MANBA: variants seen among roughly 807,000 people sequenced by gnomAD.
MANBA encodes the protein mannosidase beta.
Under a neutral mutation model 111.1 loss-of-function variants are expected in MANBA, and 83 were observed. The ratio of observed to expected loss-of-function variants is 0.75; its 90% CI spans 0.63 to 0.90. The LOEUF (loss-of-function observed/expected upper bound fraction) is 0.90, where lower values mean the gene tolerates loss of function less well. Among genes scored for constraint, MANBA ranks in the 40% least tolerant of loss-of-function variants. The pLI is 0.00. For missense variants in MANBA, 1,036 were observed against 1,069.0 expected (o/e 0.97, Z 0.43); for synonymous variants, 370 against 378.7 (o/e 0.98, Z 0.27).
At chr4:102,691,021 G>T (rs761966512) in intron 5 of MANBA, 1 of 157,012 alleles carries the variant, frequency 6.4e-6, no homozygotes, top group African/African-American at 2.4e-5. Context: ...TGTTATGATT[G>T]TAAGTCATAA....
intron 1 of MANBA, among the ~76,000 whole-genome samples, chr4:102,749,938 C>T (rs192926210): frequency 6.6e-6 from 1 of 152,276 alleles, no homozygotes; most frequent in African/African-American, 2.4e-5. Context: ...CCTCCCATAC[C>T]CTAAATACAC....
At chr4:102,729,146 C>G in intron 1 of MANBA, 1 of 727,354 alleles carries the variant, frequency 1.4e-6, no homozygotes, top group South Asian at 1.4e-5. Context: ...AACAGCCAGC[C>G]CCCTGTGCTG....
At chr4:102,647,869 A>G (rs780866264) in intron 13 of MANBA, among the ~76,000 whole-genome samples, 2 of 152,146 alleles carry the variant, frequency 1.3e-5, no homozygotes, top group Non-Finnish European at 2.9e-5. Flanking sequence ...GTGTTTTCAT[A>G]CAGGAGAAAA....
intron 1 of MANBA, among the ~76,000 whole-genome samples, chr4:102,736,875 G>C (rs1458331079): frequency 6.6e-6 from 1 of 152,176 alleles, no homozygotes; most frequent in Non-Finnish European, 1.5e-5. Flanking sequence ...CTGTGAAACA[G>C]CCAAAAACTG....
chr4:102,758,954 A>G (rs533599297), intron 1 of MANBA, among the ~76,000 whole-genome samples: 19 of 152,300 alleles, frequency 1.2e-4, no homozygotes, highest in Admixed American at 3.3e-4. Context: ...TTATGAAGAG[A>G]GTTAAGAAAT....
chr4:102,713,120 T>C (rs757858932), intron 5 of MANBA, among the ~76,000 whole-genome samples: 1 of 152,228 alleles, frequency 6.6e-6, no homozygotes, highest in African/African-American at 2.4e-5. Context: ...TTTCATCTTC[T>C]GCCTTCAGAA....
intron 5 of MANBA, among the ~76,000 whole-genome samples, chr4:102,691,299 T>C (rs181825482): frequency 1.3e-4 from 20 of 152,242 alleles, no homozygotes; most frequent in Non-Finnish European, 2.5e-4. Context: ...GGACTTTCTA[T>C]GTGCCATATA....
intron 16 of MANBA, among the ~76,000 whole-genome samples, chr4:102,633,775 G>T (rs75707396): frequency 1.8e-3 from 61 of 33,592 alleles, no homozygotes; most frequent in Admixed American, 0.011. Context: ...GTACATAGTG[G>T]TTTTTTTTTT....
At chr4:102,686,460 C>T (rs1466014979) in intron 7 of MANBA, among the ~76,000 whole-genome samples, 1 of 152,148 alleles carries the variant, frequency 6.6e-6, no homozygotes, top group Non-Finnish European at 1.5e-5. Flanking sequence ...CTGGTCTAAG[C>T]ATAGTTTCCA....
Position 102,645,981 on chromosome 4 carries a change from T to A in MANBA, c.1869+4556A>T, listed in dbSNP as rs534149869. Among the ~76,000 whole-genome samples the A allele has an allele frequency of 3.3e-5, 5 of 152,242 alleles. No individual in the cohort carries two copies. The South Asian group carries it at 1.0e-3, about 32-fold the overall frequency. ...TGTGAAGGGATAGAATATTACAGTT[T>A]AAAAAGCAGAAACCCTACTCCATTC... is the stretch of plus-strand genomic sequence containing the variant. On this transcript the variant is annotated intron_variant, in intron 13 of 16. Coordinates refer to ENST00000647097, the MANE Select transcript of MANBA (RefSeq NM_005908.4).
chr4:102,754,002 C>CAA (rs35420022), intron 1 of MANBA: 744 of 178,730 alleles, frequency 4.2e-3, no homozygotes, highest in South Asian at 8.1e-3. Flanking sequence ...GACTCTGTCT[C>CAA]AAAAAAAAAA....
At chr4:102,662,672 T>C (rs1308333966) in intron 11 of MANBA, 2 of 157,538 alleles carry the variant, frequency 1.3e-5, no homozygotes, top group East Asian at 3.6e-4. Context: ...TTAGAAAATA[T>C]GGAGTTGTTC....
chr4:102,716,466 G>T (rs1378895004), intron 4 of MANBA, among the ~76,000 whole-genome samples: 1 of 152,006 alleles, frequency 6.6e-6, no homozygotes, highest in East Asian at 1.9e-4. Context: ...CAATCAGTTC[G>T]ATCTTTAGCC....
chr4:102,706,311 A>G (rs1395383499), intron 5 of MANBA, among the ~76,000 whole-genome samples: 1 of 152,128 alleles, frequency 6.6e-6, no homozygotes, highest in Non-Finnish European at 1.5e-5. Context: ...TAACAACTAT[A>G]CCCTAAGCCA....
intron 7 of MANBA, among the ~76,000 whole-genome samples, chr4:102,685,874 G>GGACA (rs1035163933): frequency 6.6e-6 from 1 of 152,032 alleles, no homozygotes; most frequent in Non-Finnish European, 1.5e-5. Flanking sequence ...TTCCACTGTA[G>GGACA]GACAGTTCCT....
intron 1 of MANBA, chr4:102,751,575 G>A (rs912415044): frequency 3.9e-5 from 21 of 537,678 alleles, no homozygotes; most frequent in African/African-American, 3.9e-4. Context: ...CCTTATTAAG[G>A]GCCAGTTTCT....
At chr4:102,680,746 C>T (rs1004899968) in intron 7 of MANBA, among the ~76,000 whole-genome samples, 1 of 152,210 alleles carries the variant, frequency 6.6e-6, no homozygotes, top group African/African-American at 2.4e-5. Flanking sequence ...CATCTTTTAT[C>T]CTGGCCCATA....
chr4:102,661,845 T>C (rs1338633428), intron 11 of MANBA, among the ~76,000 whole-genome samples: 2 of 152,224 alleles, frequency 1.3e-5, no homozygotes, highest in Non-Finnish European at 2.9e-5. Context: ...TCCAAGAGAA[T>C]GGCCATAAAA....
chr4:102,705,619 C>A (rs1422105858), intron 5 of MANBA, among the ~76,000 whole-genome samples: 3 of 152,132 alleles, frequency 2.0e-5, no homozygotes, highest in Admixed American at 6.5e-5. Context: ...CTGAAAGCAA[C>A]CCCATCCTCC....
Sources: allele counts gnomAD v4.1 joint callset (sites outside exome capture counted in the v4.1 genomes callset), GRCh38; gene constraint gnomAD v4.1.1; transcripts MANE v1.5; gene names NCBI Gene and HGNC (gene_info 2026-07-23, HGNC 2026-07-21).